The following PLCB1 variants were observed in gnomAD, a reference collection of about 807,000 sequenced individuals.
PLCB1 encodes the protein 1-phosphatidylinositol 4,5-bisphosphate phosphodiesterase beta-1.
PLCB1 carries 46 observed loss-of-function variants against 161.8 expected under a neutral mutation model. The observed-to-expected ratio is 0.28, with a 90% CI of 0.22 to 0.36. The LOEUF is 0.36. Among genes scored for constraint, PLCB1 ranks in the 10% least tolerant of loss-of-function variants. PLCB1 has a pLI of 1.00. For synonymous variants in PLCB1, 517 were observed against 503.7 expected, an observed-to-expected ratio of 1.03 and a Z score of -0.35; for missense variants, 1,016 against 1,472.5, an observed-to-expected ratio of 0.69 and a Z score of 5.07.
chr20:8,830,735 A>C (rs919184576), intron 31 of PLCB1, among the ~76,000 whole-genome samples: 4 of 152,064 alleles, frequency 2.6e-5, no homozygotes, highest in African/African-American at 9.7e-5. Context: ...TCCATGTACT[A>C]ATTGTAGTAA....
chr20:8,801,916 T>C (rs1600339335), intron 31 of PLCB1: 1 of 673,830 alleles, frequency 1.5e-6, no homozygotes. Context: ...TTGGAGCAGA[T>C]AAAGGCAAAC....
chr20:8,648,638 T>G, intron 6 of PLCB1, among the ~76,000 whole-genome samples: 1 of 152,206 alleles, frequency 6.6e-6, no homozygotes, highest in East Asian at 1.9e-4. Context: ...ACTAGAAAGC[T>G]TCTGCGAATA....
intron 2 of PLCB1, among the ~76,000 whole-genome samples, chr20:8,179,017 C>G (rs1416054371): frequency 6.6e-6 from 1 of 152,130 alleles, no homozygotes; most frequent in Non-Finnish European, 1.5e-5. Flanking sequence ...CAGTACCATG[C>G]TGTTTTCGTT....
intron 3 of PLCB1, among the ~76,000 whole-genome samples, chr20:8,489,068 A>C (rs1982842059): frequency 6.6e-6 from 1 of 152,220 alleles, no homozygotes; most frequent in Non-Finnish European, 1.5e-5. Context: ...TACAACATGA[A>C]ATAAATTATT....
chr20:8,822,588 G>C (rs1600356663), intron 31 of PLCB1, among the ~76,000 whole-genome samples: 1 of 152,252 alleles, frequency 6.6e-6, no homozygotes, highest in Middle Eastern at 3.4e-3. Context: ...GGAGCTTTAG[G>C]ACACAAAGCT....
At chr20:8,453,346 A>T (rs1293016648) in intron 3 of PLCB1, among the ~76,000 whole-genome samples, 2 of 152,192 alleles carry the variant, frequency 1.3e-5, no homozygotes, top group African/African-American at 4.8e-5. Context: ...TTCACTTTGG[A>T]GGTAAATAGA....
chr20:8,556,913 A>G (rs1049132430), intron 3 of PLCB1, among the ~76,000 whole-genome samples: 1 of 151,698 alleles, frequency 6.6e-6, no homozygotes, highest in Non-Finnish European at 1.5e-5. Flanking sequence ...CCCTCAGGAA[A>G]TGTGAATCAA....
chr20:8,645,972 TACAAA>T (rs1170759023), intron 4 of PLCB1, 125 bp from the exon 5 acceptor site: 2 of 608,836 alleles, frequency 3.3e-6, no homozygotes, highest in Non-Finnish European at 2.9e-6. Context: ...GGGATAATAA[TACAAA>T]ACAAAACAAA....
At chr20:8,475,038 C>T (rs1266223216) in intron 3 of PLCB1, among the ~76,000 whole-genome samples, 1 of 151,474 alleles carries the variant, frequency 6.6e-6, no homozygotes, top group South Asian at 2.1e-4. Flanking sequence ...CACACAGACA[C>T]ACACACACAC....
intron 3 of PLCB1, among the ~76,000 whole-genome samples, chr20:8,552,830 TG>T (rs1452325855): frequency 1.3e-5 from 2 of 152,154 alleles, no homozygotes; most frequent in African/African-American, 4.8e-5. Context: ...TGCCTGGCCC[TG>T]TGCTCCCAGC....
chr20:8,732,792 A>T (rs1044064748), intron 18 of PLCB1, among the ~76,000 whole-genome samples: 1 of 144,460 alleles, frequency 6.9e-6, no homozygotes, highest in African/African-American at 2.5e-5. Context: ...TATAAATAAT[A>T]TATCTAATAT....
At chr20:8,276,469 T>C (rs550822715) in intron 2 of PLCB1, among the ~76,000 whole-genome samples, 8 of 152,336 alleles carry the variant, frequency 5.3e-5, no homozygotes, top group Non-Finnish European at 8.8e-5. Flanking sequence ...AAGCACTTGA[T>C]AAGCACTTAA....
rs3222517 is a variant in PLCB1, at chr20:8,881,328, C to CGT, written c.3424-264_3424-263dup. 0.062 allele frequency among the ~76,000 whole-genome samples: 8,039 copies of CGT among 128,866 alleles called. 388 individuals carry two copies. Among genetic ancestry groups the CGT allele is most frequent in the Admixed American group, 0.16 (2,158 of 13,154 alleles). 84.5% of individuals were successfully genotyped at this position (128,866 alleles called of 152,430 possible). A position where few individuals can be genotyped will look rare whatever the true frequency, so the allele number is the denominator to read the frequency against. On this transcript the variant is annotated intron_variant, in intron 31 of 31. Transcript: ENST00000338037. ...ACTCTGACACCTTTTTCAAAAGACC[C>CGT]GTGTGTGTGTGTGTGTGTGTGTGTG...
intron 3 of PLCB1, among the ~76,000 whole-genome samples, chr20:8,454,785 C>T (rs1952551202): frequency 6.6e-6 from 1 of 152,206 alleles, no homozygotes; most frequent in South Asian, 2.1e-4. Flanking sequence ...CTCTGTTTCC[C>T]TGTCATGCCT....
chr20:8,807,160 A>T (rs1984578589), intron 31 of PLCB1, among the ~76,000 whole-genome samples: 1 of 152,196 alleles, frequency 6.6e-6, no homozygotes, highest in Non-Finnish European at 1.5e-5. Flanking sequence ...GATTAATTAA[A>T]GTCGGAAGTT....
chr20:8,620,975 G>A (rs1988168338), intron 3 of PLCB1, among the ~76,000 whole-genome samples: 1 of 152,150 alleles, frequency 6.6e-6, no homozygotes, highest in Non-Finnish European at 1.5e-5. Context: ...CTATAGCACA[G>A]TACCATGGAA....
chr20:8,437,551 A>C (rs1250122998), intron 3 of PLCB1, among the ~76,000 whole-genome samples: 3 of 152,214 alleles, frequency 2.0e-5, no homozygotes, highest in African/African-American at 4.8e-5. Flanking sequence ...TAGTGGAATC[A>C]CTATTTCTCA....
chr20:8,225,712 C>T (rs1018352332), intron 2 of PLCB1, among the ~76,000 whole-genome samples: 4 of 152,158 alleles, frequency 2.6e-5, no homozygotes, highest in African/African-American at 9.7e-5. Flanking sequence ...ATCACTGAGA[C>T]CTACAAAAAT....
chr20:8,357,484 A>AT (rs1247108152), intron 2 of PLCB1, among the ~76,000 whole-genome samples: 4 of 151,942 alleles, frequency 2.6e-5, no homozygotes, highest in African/African-American at 7.3e-5. Context: ...TAATACAGTG[A>AT]TTTTTTTTCT....
Sources: gnomAD v4.1 joint callset for allele counts (sites outside exome capture counted in the v4.1 genomes callset) on GRCh38, gnomAD v4.1.1 for gene constraint, MANE v1.5 for transcripts, NCBI Gene and HGNC (gene_info 2026-07-23, HGNC 2026-07-21) for gene names.